The following INSR variants were observed in gnomAD, a reference collection of about 807,000 sequenced individuals.
The protein encoded by INSR is IR.
INSR carries 67 observed loss-of-function variants against 142.6 expected under a neutral mutation model. That is an observed-to-expected ratio of 0.47 (90% CI 0.39 to 0.58). The LOEUF (loss-of-function observed/expected upper bound fraction) is 0.58, where lower values mean the gene tolerates loss of function less well. INSR is among the 20% of genes least tolerant of loss of function. The pLI is 0.00. For synonymous variants in INSR, 756 were observed against 743.1 expected (o/e 1.02, Z -0.28); for missense variants, 1,248 against 1,833.2 (o/e 0.68, Z 5.83).
Position 7,184,388 on chromosome 19 carries a change from CA to C in INSR, c.901del (p.Cys301AlafsTer21). The C allele has an allele frequency of 1.2e-6, 2 of 1,614,098 alleles. No individual in the cohort carries two copies. The highest frequency in any genetic ancestry group is 1.7e-6 in the Non-Finnish European group (2 of 1,180,016). On this transcript the variant is annotated frameshift_variant, in exon 3 of 22. Transcript: ENST00000302850. LOFTEE classifies it high-confidence loss of function. ...GTTGTTGTGAATGACGTACTGGTGG[CA>C]GCCCTGCCTCCGCGAGTTCTTGCAT... ...HKCKNSRRQG[C>X]HQYVIHNNKC...
rs121913153 is a variant in INSR at position 7,267,659 on chromosome 19, C to T, written c.338G>A (p.Arg113Gln). Residue 113 changes from arginine (R) to glutamine (Q), a missense_variant, in exon 2 of 22, where the codon CGA becomes CAA. Arg to Gln is a conservative substitution (Grantham distance 43). Coordinates refer to ENST00000302850, the MANE Select transcript of INSR (RefSeq NM_000208.4). This position sits in a 1 kb window ranked among gnomAD's most constrained non-coding sequence, Gnocchi z 6.3. ...GACCAGCGCGTAGTTAAAGAACAGT[C>T]GTGATCCCCGGATGACCGTGAGGTT... ...FPNLTVIRGS[R>Q]LFFNYALVIF... 6.2e-7 allele frequency: 1 copy of T among 1,614,042 alleles called. No individual in the cohort carries two copies. Among genetic ancestry groups the T allele is most frequent in the South Asian group, 1.1e-5 (1 of 91,064 alleles).
chr19:7,185,285 C>A (rs183541926), intron 2 of INSR, among the ~76,000 whole-genome samples: 1 of 152,328 alleles, frequency 6.6e-6, no homozygotes, highest in Admixed American at 6.5e-5. Flanking sequence ...AATTTCACCA[C>A]TGGCTCCAGC....
chr19:7,183,263 GGTGTGTGTGTGTGT>G (rs71177167), intron 3 of INSR, among the ~76,000 whole-genome samples: 5 of 146,480 alleles, frequency 3.4e-5, no homozygotes, highest in African/African-American at 1.0e-4. Flanking sequence ...GTTGTTTTGT[GGTGTGTGTGTGTGT>G]GTGTGTGTGT....
At chr19:7,230,639 T>C (rs934713621) in intron 2 of INSR, among the ~76,000 whole-genome samples, 1 of 152,036 alleles carries the variant, frequency 6.6e-6, no homozygotes, top group Non-Finnish European at 1.5e-5. Flanking sequence ...AAACCCCATC[T>C]CGACTAAAAA....
intron 13 of INSR, among the ~76,000 whole-genome samples, chr19:7,138,132 T>G (rs1165141315): frequency 6.6e-6 from 1 of 150,920 alleles, no homozygotes; most frequent in African/African-American, 2.4e-5. Flanking sequence ...CCCGGCTAAT[T>G]TTTTTGTATT....
intron 2 of INSR, among the ~76,000 whole-genome samples, chr19:7,230,518 T>A (rs1361692197): frequency 6.6e-6 from 1 of 152,070 alleles, no homozygotes; most frequent in East Asian, 1.9e-4. Flanking sequence ...TTCAGAAATA[T>A]TACCTTGGCT....
chr19:7,285,020 A>C (rs2145245576), intron 1 of INSR, among the ~76,000 whole-genome samples: 1 of 152,256 alleles, frequency 6.6e-6, no homozygotes, highest in Non-Finnish European at 1.5e-5. Flanking sequence ...GAATTCAAAA[A>C]TACAGGGTCT....
chr19:7,152,342 C>T, intron 10 of INSR: 1 of 317,816 alleles, frequency 3.1e-6, no homozygotes, highest in South Asian at 2.6e-5. Flanking sequence ...AATCGCACCA[C>T]CGCACTCCAG....
chr19:7,239,872 A>T (rs775314314), intron 2 of INSR, among the ~76,000 whole-genome samples: 3 of 152,096 alleles, frequency 2.0e-5, no homozygotes, highest in African/African-American at 4.8e-5. Context: ...CAGGTGTAGC[A>T]ATTGGAATCA....
chr19:7,205,070 G>A (rs1163346546), intron 2 of INSR, among the ~76,000 whole-genome samples: 1 of 152,160 alleles, frequency 6.6e-6, no homozygotes, highest in African/African-American at 2.4e-5. Context: ...GGCAACAAAA[G>A]TGAAACTTCA....
intron 19 of INSR, 110 bp downstream of exon 19, chr19:7,122,504 T>C: frequency 8.6e-7 from 1 of 1,161,516 alleles, no homozygotes; most frequent in East Asian, 2.3e-5. Context: ...AGAAGTATCT[T>C]GCCCCTTTAT....
Position 7,172,354 on chromosome 19 carries a change from C to G in INSR, c.1204G>C (p.Ala402Pro), listed in dbSNP as rs144929085. Residue 402 changes from alanine (A) to proline (P), a missense_variant, in exon 5 of 22, where the codon GCT becomes CCT. This residue lies in a region of INSR where 1,069 missense variants were observed against 1,654.0 expected (regional missense o/e 0.65). Coordinates refer to ENST00000302850, the MANE Select transcript of INSR (RefSeq NM_000208.4). Reference sequence around the variant, plus strand: ...CGGAAGAAGGAAAGTGACACCAGAGCGTAGGATCGGCGGATTTTTAGATAC... The same window carrying G: ...CGGAAGAAGGAAAGTGACACCAGAGGGTAGGATCGGCGGATTTTTAGATAC... ...SGYLKIRRSY[A>P]LVSLSFFRKL... 1.2e-5 allele frequency: 19 copies of G among 1,614,106 alleles called. No homozygotes were observed. Among genetic ancestry groups the G allele is most frequent in the Non-Finnish European group, 1.6e-5 (19 of 1,180,018 alleles).
chr19:7,259,464 C>T (rs1976994693), intron 2 of INSR, among the ~76,000 whole-genome samples: 1 of 152,106 alleles, frequency 6.6e-6, no homozygotes, highest in Non-Finnish European at 1.5e-5. Context: ...CTAATCAAAG[C>T]ACCCAGAACC....
At chr19:7,279,559 G>A (rs1968150606) in intron 1 of INSR, among the ~76,000 whole-genome samples, 1 of 151,100 alleles carries the variant, frequency 6.6e-6, no homozygotes, top group African/African-American at 2.4e-5. Context: ...AGTCTGTGAG[G>A]GCTTTGGGAT....
chr19:7,189,829 A>G (rs1450903197), intron 2 of INSR, among the ~76,000 whole-genome samples: 1 of 151,876 alleles, frequency 6.6e-6, no homozygotes, highest in Non-Finnish European at 1.5e-5. Flanking sequence ...ATGCCTGGAT[A>G]ATTTTTGTAT....
intron 1 of INSR, among the ~76,000 whole-genome samples, chr19:7,288,501 T>C (rs1417145723): frequency 6.6e-6 from 1 of 151,918 alleles, no homozygotes; most frequent in African/African-American, 2.4e-5. Flanking sequence ...TAGCTGGGCA[T>C]GGTGGCACCT....
At chr19:7,134,581 A>G (rs2144838481) in intron 13 of INSR, among the ~76,000 whole-genome samples, 1 of 152,142 alleles carries the variant, frequency 6.6e-6, no homozygotes, top group Non-Finnish European at 1.5e-5. Flanking sequence ...CCTTGCCAAC[A>G]TGGTGAAACC....
intron 1 of INSR, among the ~76,000 whole-genome samples, chr19:7,274,483 G>A (rs1600120137): frequency 6.6e-6 from 1 of 151,312 alleles, no homozygotes; most frequent in Admixed American, 6.6e-5. Flanking sequence ...ATCTCGAAAC[G>A]GAGGCTCATT....
intron 2 of INSR, among the ~76,000 whole-genome samples, chr19:7,203,550 A>G (rs1975024795): frequency 6.6e-6 from 1 of 152,142 alleles, no homozygotes; most frequent in South Asian, 2.1e-4. Context: ...AACCATAAAA[A>G]AGTTCTGCTC....
Sources: allele counts gnomAD v4.1 joint callset (sites outside exome capture counted in the v4.1 genomes callset), GRCh38; gene constraint gnomAD v4.1.1; regional missense constraint gnomAD v4.1.1; non-coding constraint Gnocchi (gnomAD v3.1); transcripts MANE v1.5; gene names NCBI Gene and HGNC (gene_info 2026-07-23, HGNC 2026-07-21).